The following DMXL2 variants were observed in gnomAD, a reference collection of about 807,000 sequenced individuals.
The protein encoded by DMXL2 is dmX-like protein 2.
Under a neutral mutation model 331.1 loss-of-function variants are expected in DMXL2, and 103 were observed. The ratio of observed to expected loss-of-function variants is 0.31; its 90% confidence interval spans 0.27 to 0.37. DMXL2 has a LOEUF of 0.37. Ranked by LOEUF, DMXL2 falls within the 10% of genes least tolerant of loss-of-function variation. The probability of loss-of-function intolerance (pLI) is 1.00; values close to 1 mark genes in which losing one functional copy is unlikely to be tolerated. For synonymous variants in DMXL2, 1,281 were observed against 1,252.1 expected (o/e 1.02, Z -0.49); for missense variants, 3,171 against 3,642.9 (o/e 0.87, Z 3.33).
intron 37 of DMXL2, 27 bp from the exon 38 acceptor site, chr15:51,456,396 A>G (rs777263201): frequency 1.5e-6 from 2 of 1,369,854 alleles, no homozygotes; most frequent in Admixed American, 2.2e-5. Context: ...TAAAAATTTT[A>G]TTTTGTGTAT....
In DMXL2 at chr15:51,565,080, C is replaced by T. The variant is rs200029287; in HGVS notation, c.364+8G>A. ...ATTTAAATAATTTTAAATACAATTG[C>T]TAAATACCTTGAGGATCCCATGCTA... On this transcript the variant is annotated splice_region_variant and intron_variant, in intron 4 of 43. Coordinates refer to ENST00000560891, the MANE Select transcript of DMXL2 (RefSeq NM_001378457.1). 1.8e-4 allele frequency: 259 copies of T among 1,477,372 alleles called. No homozygotes were observed. The East Asian group carries it at 4.3e-3, about 25-fold the overall frequency. 91.5% of individuals were successfully genotyped at this position (1,477,372 alleles called of 1,614,324 possible).
chr15:51,512,951 T>G (rs1428658454), intron 15 of DMXL2, among the ~76,000 whole-genome samples: 1 of 152,196 alleles, frequency 6.6e-6, no homozygotes, highest in Non-Finnish European at 1.5e-5. Flanking sequence ...TGTCTATTTT[T>G]GGCATTTTTC....
In DMXL2 at chr15:51,480,516, G is replaced by A. The variant is rs112252994; in HGVS notation, c.6564+26C>T. On this transcript the variant is annotated intron_variant, in intron 24 of 43. Transcript: ENST00000560891. Reference sequence around the variant, plus strand: ...CTACTGAAATTACTGAAATAACCAAGATTGAAAAAAAAGTGATATTCACAC... The same window carrying A: ...CTACTGAAATTACTGAAATAACCAAAATTGAAAAAAAAGTGATATTCACAC... The A allele has an allele frequency of 1.2e-4, 177 of 1,480,600 alleles. No homozygotes were observed. In the African/African-American group the frequency reaches 2.1e-3, roughly 18 times the overall value. 91.7% of individuals were successfully genotyped at this position (1,480,600 alleles called of 1,614,324 possible). A position where few individuals can be genotyped will look rare whatever the true frequency, so the allele number is the denominator to read the frequency against.
intron 33 of DMXL2, among the ~76,000 whole-genome samples, chr15:51,461,527 G>A (rs1438085610): frequency 6.6e-6 from 1 of 152,160 alleles, no homozygotes; most frequent in East Asian, 1.9e-4. Flanking sequence ...GGTTTTCTGT[G>A]AATAACAGAG....
At chr15:51,575,699 T>C (rs1416747818) in intron 2 of DMXL2, among the ~76,000 whole-genome samples, 1 of 152,108 alleles carries the variant, frequency 6.6e-6, no homozygotes, top group Non-Finnish European at 1.5e-5. Context: ...AATAAAACTT[T>C]GATGTTATAG....
intron 13 of DMXL2, among the ~76,000 whole-genome samples, chr15:51,526,698 G>C (rs1001045145): frequency 1.3e-5 from 2 of 152,074 alleles, no homozygotes; most frequent in Non-Finnish European, 2.9e-5. Context: ...AATTTAACAA[G>C]AAATTTAAAT....
rs1451446475 is a variant in DMXL2 at position 51,537,478 on chromosome 15, T to C, written c.1617+10A>G. ...AGAAATGTAATAACTATTTCATCAA[T>C]AAAATATACCTGAACTTGTCTAAAT... On this transcript the variant is annotated intron_variant, in intron 11 of 43. Transcript: ENST00000560891. The C allele has an allele frequency of 6.3e-6, 10 of 1,593,554 alleles. No homozygotes were observed. The highest frequency in any genetic ancestry group is 8.6e-6 in the Non-Finnish European group (10 of 1,166,600).
At chr15:51,621,547 A>G (rs1315393748) in intron 1 of DMXL2, among the ~76,000 whole-genome samples, 1 of 152,242 alleles carries the variant, frequency 6.6e-6, no homozygotes, top group African/African-American at 2.4e-5. Context: ...AACTCAATTT[A>G]TGGGAGTCTA....
intron 6 of DMXL2, among the ~76,000 whole-genome samples, 181 bp downstream of exon 6, chr15:51,563,200 G>A (rs1295070905): frequency 6.6e-6 from 1 of 152,072 alleles, no homozygotes; most frequent in Non-Finnish European, 1.5e-5. Context: ...TTTCCCAAGC[G>A]CCTACAACCT....
chr15:51,537,476 A>C lies in DMXL2; in HGVS notation c.1617+12T>G, dbSNP rs775391613. The C allele has an allele frequency of 8.2e-5, 131 of 1,589,096 alleles. 1 individual carries two copies. The Admixed American group carries it at 2.1e-3, about 25-fold the overall frequency. ...TAAGAAATGTAATAACTATTTCATC[A>C]ATAAAATATACCTGAACTTGTCTAA... is the stretch of plus-strand genomic sequence containing the variant. On this transcript the variant is annotated intron_variant, in intron 11 of 43. Transcript: ENST00000560891.
chr15:51,572,962 AG>A (rs1305531028), intron 2 of DMXL2, among the ~76,000 whole-genome samples: 13 of 152,220 alleles, frequency 8.5e-5, no homozygotes, highest in Non-Finnish European at 1.6e-4. Context: ...AAAGAAATAA[AG>A]GGTATTCAAT....
chr15:51,568,548 G>A lies in DMXL2; in HGVS notation c.224C>T (p.Ser75Leu). Residue 75 changes from serine (S) to leucine (L), a missense_variant, in exon 3 of 44, where the codon TCA becomes TTA. Around this residue, in one of 7 missense-constraint regions of DMXL2, gnomAD observed 1,674 missense variants for 1,780.2 expected, o/e 0.94. Transcript: ENST00000560891. The part of the protein sequence containing the change: ...CSNQQGRIAA[S>L]YGNAVCIFEP... ...AAATATACAAACAGCATTACCATAT[G>A]AAGCTGCAATCTAAAAAAGAATAAA... 6.4e-7 allele frequency: 1 copy of A among 1,572,358 alleles called. No individual in the cohort carries two copies. The highest frequency in any genetic ancestry group is 8.6e-7 in the Non-Finnish European group (1 of 1,167,262).
At position 51,591,292 on chromosome 15, in the gene DMXL2, G is replaced by A. The variant is rs574599581; in HGVS notation, c.88-15111C>T. ...AGCACACCAGGAGATTATATCCCGC[G>A]CCTGGCTCGGAGGGTCCTACGCCCA... On this transcript the variant is annotated intron_variant, in intron 1 of 43. Transcript: ENST00000560891. Among the ~76,000 whole-genome samples the A allele has an allele frequency of 2.2e-3, 336 of 152,318 alleles. 4 individuals are homozygous for A. The highest frequency in any genetic ancestry group is 7.7e-3 in the African/African-American group (319 of 41,568).
At chr15:51,552,543 T>C (rs1256835081) in intron 6 of DMXL2, among the ~76,000 whole-genome samples, 5 of 152,230 alleles carry the variant, frequency 3.3e-5, no homozygotes, top group Admixed American at 3.3e-4. Context: ...TCCCATGTGT[T>C]CTAGGTCTTT....
chr15:51,510,727 G>A (rs764313282), intron 15 of DMXL2, among the ~76,000 whole-genome samples: 8 of 152,100 alleles, frequency 5.3e-5, no homozygotes, highest in African/African-American at 7.2e-5. Context: ...AAGAGCCCTC[G>A]TAGCCAAGAC....
intron 33 of DMXL2, among the ~76,000 whole-genome samples, chr15:51,462,895 A>G (rs1309502985): frequency 1.3e-5 from 2 of 152,218 alleles, no homozygotes; most frequent in Non-Finnish European, 2.9e-5. Flanking sequence ...GCTTTGTAAG[A>G]GCAATCTTCC....
At position 51,480,717 on chromosome 15, in the gene DMXL2, T is replaced by G; in HGVS notation, c.6389A>C (p.Glu2130Ala). The change falls in exon 24 of 44, where the codon GAA becomes GCA. Residue 2130 changes from glutamate (E) to alanine (A), a missense_variant. Physicochemically the swap from Glu to Ala is moderately radical, Grantham distance 107 (BLOSUM62 -1). Coordinates refer to ENST00000560891, the MANE Select transcript of DMXL2 (RefSeq NM_001378457.1). ...DIGSYERHQIERRRLQAKREH... is the reference protein window; with the variant it reads ...DIGSYERHQIARRRLQAKREH... ...TCGTTTGGCCTGCAATCTTCTTCTT[T>G]CTATTTGATGGCGCTCATAGGAACC... 1 of 1,607,488 alleles carries G rather than the reference T, an allele frequency of 6.2e-7. No homozygotes were observed. Among genetic ancestry groups the G allele is most frequent in the Middle Eastern group, 1.7e-4 (1 of 6,026 alleles).
At chr15:51,533,179 G>A (rs1423814592) in intron 13 of DMXL2, among the ~76,000 whole-genome samples, 1 of 152,068 alleles carries the variant, frequency 6.6e-6, no homozygotes, top group Non-Finnish European at 1.5e-5. Context: ...GGACACTATT[G>A]AAAGTTGTTT....
chr15:51,592,854 A>C (rs1047862138), intron 1 of DMXL2, among the ~76,000 whole-genome samples: 1 of 152,212 alleles, frequency 6.6e-6, no homozygotes, highest in African/African-American at 2.4e-5. Context: ...CTTTATAGAC[A>C]AGCAAATGCT....
Sources: allele counts gnomAD v4.1 joint callset (sites outside exome capture counted in the v4.1 genomes callset), GRCh38; gene constraint gnomAD v4.1.1; regional missense constraint gnomAD v4.1.1; transcripts MANE v1.5; gene names NCBI Gene and HGNC (gene_info 2026-07-23, HGNC 2026-07-21).